The following SOX6 variants were observed in gnomAD, a reference collection of about 807,000 sequenced individuals.
SOX6 encodes SRY-box transcription factor 6, also known as transcription factor SOX-6.
SOX6 carries 11 observed loss-of-function variants against 97.8 expected under a neutral mutation model. The ratio of observed to expected loss-of-function variants is 0.11; its 90% CI spans 0.07 to 0.19. The LOEUF (loss-of-function observed/expected upper bound fraction) is 0.19. Ranked by LOEUF, SOX6 falls within the 10% of genes least tolerant of loss-of-function variation. The pLI is 1.00. For synonymous variants in SOX6, 360 were observed against 371.4 expected (o/e 0.97, Z 0.35); for missense variants, 810 against 1,039.5 (o/e 0.78, Z 3.04).
chr11:16,170,813 C>T (rs1255436010), intron 6 of SOX6, among the ~76,000 whole-genome samples: 2 of 151,908 alleles, frequency 1.3e-5, no homozygotes, highest in East Asian at 3.9e-4. Flanking sequence ...AAATATGGTG[C>T]TCTTTTGAAA....
intron 3 of SOX6, among the ~76,000 whole-genome samples, chr11:16,269,161 C>A (rs1854169786): frequency 6.7e-6 from 1 of 150,130 alleles, no homozygotes; most frequent in Admixed American, 6.7e-5. Context: ...ATGGCTATAC[C>A]ATATATTAAA....
At chr11:16,545,130 T>C (rs1226785430) in intron 4 of SOX6, among the ~76,000 whole-genome samples, 5 of 151,716 alleles carry the variant, frequency 3.3e-5, no homozygotes, top group South Asian at 2.1e-4. Flanking sequence ...GAATTAACAG[T>C]AGAAAGCAAT....
intron 4 of SOX6, among the ~76,000 whole-genome samples, chr11:16,486,983 C>T (rs1860446383): frequency 6.6e-6 from 1 of 151,886 alleles, no homozygotes; most frequent in African/African-American, 2.4e-5. Flanking sequence ...GAGAATTGGC[C>T]CATGAATCTA....
chr11:16,125,044 T>C (rs984403912), intron 6 of SOX6, among the ~76,000 whole-genome samples: 3 of 152,026 alleles, frequency 2.0e-5, no homozygotes, highest in African/African-American at 7.2e-5. Context: ...GGATGGTGCC[T>C]CCAAATATGT....
At chr11:16,540,770 T>G (rs1384500904) in intron 4 of SOX6, among the ~76,000 whole-genome samples, 1 of 152,152 alleles carries the variant, frequency 6.6e-6, no homozygotes, top group Non-Finnish European at 1.5e-5. Flanking sequence ...ACAAGGGATG[T>G]GAAGGACCTC....
chr11:16,484,480 C>T, intron 4 of SOX6: 1 of 809,986 alleles, frequency 1.2e-6, no homozygotes, highest in Non-Finnish European at 2.2e-6. Flanking sequence ...CCACCTGCTC[C>T]CTGAGCTTCT....
Position 16,183,274 on chromosome 11 carries a change from A to G in SOX6, c.777+612T>C, listed in dbSNP as rs545892591. On this transcript the variant is annotated intron_variant, in intron 6 of 15. Coordinates refer to ENST00000683767, the MANE Select transcript of SOX6 (RefSeq NM_001367873.1). ...CCCCAGATCATTGTAATTATGATCTATATATTTTTACATTGCCATAAGAAA... is the reference window on the plus strand; with the variant it reads ...CCCCAGATCATTGTAATTATGATCTGTATATTTTTACATTGCCATAAGAAA... 1.8e-4 allele frequency among the ~76,000 whole-genome samples: 27 copies of G among 152,150 alleles called. No individual in the cohort carries two copies. The East Asian group carries it at 4.4e-3, about 25-fold the overall frequency.
chr11:16,167,301 G>T (rs1362868085), intron 6 of SOX6, among the ~76,000 whole-genome samples: 1 of 151,998 alleles, frequency 6.6e-6, no homozygotes, highest in African/African-American at 2.4e-5. Flanking sequence ...AATCTCGTTG[G>T]CTTTGCTCTT....
intron 4 of SOX6, among the ~76,000 whole-genome samples, chr11:16,499,390 T>G (rs1860663133): frequency 6.6e-6 from 1 of 151,932 alleles, no homozygotes; most frequent in South Asian, 2.1e-4. Context: ...AACATCACAA[T>G]TAAAAGAACT....
At chr11:16,608,581 G>A (rs76312858) in intron 4 of SOX6, among the ~76,000 whole-genome samples, 15 of 151,510 alleles carry the variant, frequency 9.9e-5, no homozygotes, top group African/African-American at 2.9e-4. Flanking sequence ...CATTTTAAAC[G>A]ATGGAGGAGG....
intron 3 of SOX6, among the ~76,000 whole-genome samples, chr11:16,253,793 A>G (rs1441126948): frequency 4.6e-5 from 7 of 152,142 alleles, no homozygotes; most frequent in African/African-American, 1.7e-4. Context: ...AGGAACAGAA[A>G]CAATATTTGA....
At chr11:16,451,551 C>T (rs550372340) in intron 1 of SOX6, among the ~76,000 whole-genome samples, 1 of 152,222 alleles carries the variant, frequency 6.6e-6, no homozygotes, top group South Asian at 2.1e-4. Context: ...ACTCCCTTTG[C>T]CGTTAGTAAT....
At chr11:16,436,789 C>G (rs1194417985) in intron 1 of SOX6, among the ~76,000 whole-genome samples, 2 of 152,138 alleles carry the variant, frequency 1.3e-5, no homozygotes, top group Non-Finnish European at 1.5e-5. Flanking sequence ...ACACTTCGCT[C>G]TCATTTTAAC....
chr11:16,386,156 T>G (rs570975165), intron 1 of SOX6, among the ~76,000 whole-genome samples: 1 of 152,268 alleles, frequency 6.6e-6, no homozygotes, highest in African/African-American at 2.4e-5. Context: ...TGTTGTTTTT[T>G]GTTGTCGTTC....
intron 1 of SOX6, among the ~76,000 whole-genome samples, chr11:16,414,969 C>G (rs557678735): frequency 1.3e-5 from 2 of 152,034 alleles, no homozygotes; most frequent in South Asian, 4.2e-4. Context: ...ATAATGTATG[C>G]TAGAATACTT....
chr11:16,087,218 T>C (rs974502368), intron 9 of SOX6, among the ~76,000 whole-genome samples: 19 of 152,168 alleles, frequency 1.2e-4, no homozygotes, highest in African/African-American at 4.6e-4. Flanking sequence ...AAAATAGGTA[T>C]GTGTTTATAC....
At chr11:16,433,460 T>G (rs1001339228) in intron 1 of SOX6, among the ~76,000 whole-genome samples, 2 of 152,132 alleles carry the variant, frequency 1.3e-5, no homozygotes, top group Non-Finnish European at 2.9e-5. Flanking sequence ...AAGACCTTAT[T>G]AGGTCAGCTA....
chr11:16,630,687 G>A (rs1427255850), intron 3 of SOX6, among the ~76,000 whole-genome samples: 1 of 151,994 alleles, frequency 6.6e-6, no homozygotes, highest in Non-Finnish European at 1.5e-5. Context: ...TCAGGGTGTT[G>A]AAGTTCCCCA....
intron 1 of SOX6, among the ~76,000 whole-genome samples, chr11:16,365,170 C>T (rs184019586): frequency 9.9e-5 from 15 of 152,002 alleles, no homozygotes; most frequent in African/African-American, 3.1e-4. Context: ...AACTTTACCA[C>T]AGGTTTGTGT....
Sources: allele counts gnomAD v4.1 joint callset (sites outside exome capture counted in the v4.1 genomes callset), GRCh38; gene constraint gnomAD v4.1.1; transcripts MANE v1.5; gene names NCBI Gene and HGNC (gene_info 2026-07-23, HGNC 2026-07-21).